PDGFC: variants seen among roughly 807,000 people sequenced by gnomAD.
PDGFC encodes platelet-derived growth factor C.
In PDGFC, 12 loss-of-function variants were observed where a neutral mutation model predicts 35.5. That is an observed-to-expected ratio of 0.34 (90% CI 0.22 to 0.55). The LOEUF is 0.55. Among genes scored for constraint, PDGFC ranks in the 20% least tolerant of loss-of-function variants. PDGFC has a pLI of 0.91. For synonymous variants in PDGFC, 159 were observed against 148.8 expected (o/e 1.07, Z -0.50); for missense variants, 322 against 412.4 (o/e 0.78, Z 1.90).
Position 156,945,360 on chromosome 4 carries a change from T to C in PDGFC, c.118+25426A>G, listed in dbSNP as rs1379247220. Among the ~76,000 whole-genome samples the C allele has an allele frequency of 2.8e-3, 278 of 99,442 alleles. 2 individuals carry two copies. The highest frequency in any genetic ancestry group is 4.1e-3 in the East Asian group (9 of 2,188). The allele number at this position is 99,442 out of a possible 152,430, so 65.2% of individuals were successfully genotyped here. On this transcript the variant is annotated intron_variant, in intron 1 of 5. Transcript: ENST00000502773. ...ATACATACATATATATATATATATA[T>C]ATATATATATATATATATATATATA...
intron 1 of PDGFC, among the ~76,000 whole-genome samples, chr4:156,900,661 C>A (rs1043592166): frequency 1.3e-5 from 2 of 151,898 alleles, no homozygotes; most frequent in Non-Finnish European, 2.9e-5. Flanking sequence ...GGCAACATGG[C>A]AAAACATCAT....
chr4:156,859,901 G>T (rs1019890742), intron 1 of PDGFC, among the ~76,000 whole-genome samples: 7 of 151,946 alleles, frequency 4.6e-5, no homozygotes, highest in Non-Finnish European at 7.4e-5. Flanking sequence ...TAAAAAAAAA[G>T]AGTGAAAAGC....
intron 3 of PDGFC, among the ~76,000 whole-genome samples, chr4:156,776,579 T>C (rs6837319): frequency 6.6e-6 from 1 of 152,098 alleles, no homozygotes; most frequent in South Asian, 2.1e-4. Flanking sequence ...GGCCTATTAC[T>C]TTGTAAGGAC....
At chr4:156,915,961 T>G (rs1476967108) in intron 1 of PDGFC, among the ~76,000 whole-genome samples, 3 of 152,032 alleles carry the variant, frequency 2.0e-5, no homozygotes, top group African/African-American at 7.2e-5. Context: ...AGAAAATGAA[T>G]TCCAAGTTTC....
At chr4:156,809,158 T>C (rs866794814) in intron 3 of PDGFC, among the ~76,000 whole-genome samples, 1 of 151,994 alleles carries the variant, frequency 6.6e-6, no homozygotes, top group Non-Finnish European at 1.5e-5. Flanking sequence ...CCTGGCTCAA[T>C]AGAGTCCAGG....
chr4:156,871,347 C>A (rs1729979545), intron 1 of PDGFC, among the ~76,000 whole-genome samples: 1 of 152,030 alleles, frequency 6.6e-6, no homozygotes, highest in Non-Finnish European at 1.5e-5. Context: ...ATCGAGAAAA[C>A]TAGCAATTAT....
rs752398576 is a variant in PDGFC at position 156,970,861 on chromosome 4, C to A, written c.43G>T (p.Gly15Cys). ...GLLLLTSALA[G>C]QRQGTQAESN... is the part of the protein sequence containing the mutation. ...TCCGCCTGAGTCCCCTGTCTCTGGC[C>A]GGCCAGGGCAGATGTCAGCAGGAGA... Residue 15 changes from glycine to cysteine, a missense_variant, in exon 1 of 6, where the codon GGC becomes TGC. Coordinates refer to ENST00000502773, the MANE Select transcript of PDGFC (RefSeq NM_016205.3). 2.5e-6 allele frequency: 4 copies of A among 1,613,896 alleles called. No homozygotes were observed. In the East Asian group the frequency reaches 6.7e-5, roughly 27 times the overall value.
At chr4:156,928,491 C>A (rs1242173677) in intron 1 of PDGFC, among the ~76,000 whole-genome samples, 2 of 152,160 alleles carry the variant, frequency 1.3e-5, no homozygotes, top group Non-Finnish European at 2.9e-5. Context: ...GGGTAAGGCA[C>A]AGGTGAAACA....
intron 3 of PDGFC, among the ~76,000 whole-genome samples, chr4:156,794,641 T>C (rs775392628): frequency 2.4e-4 from 37 of 152,076 alleles, no homozygotes; most frequent in Non-Finnish European, 5.1e-4. Flanking sequence ...TATCTATTTA[T>C]ATACCTTCAT....
chr4:156,851,930 C>CAAAAAAAAAAAAAAAAAAAAAAA (rs61505882), intron 1 of PDGFC, among the ~76,000 whole-genome samples: 7 of 47,888 alleles, frequency 1.5e-4, no homozygotes, highest in African/African-American at 3.3e-4. Flanking sequence ...GACTCCATCT[C>CAAAAAAAAAAAAAAAAAAAAAAA]AAAAAAAAAA....
intron 2 of PDGFC, among the ~76,000 whole-genome samples, chr4:156,839,373 A>G (rs186006111): frequency 1.6e-4 from 24 of 152,204 alleles, no homozygotes; most frequent in African/African-American, 5.1e-4. Flanking sequence ...CCCTTTTGCT[A>G]GGCACTTCTT....
chr4:156,923,104 C>A (rs1294737631), intron 1 of PDGFC, among the ~76,000 whole-genome samples: 1 of 152,132 alleles, frequency 6.6e-6, no homozygotes, highest in Non-Finnish European at 1.5e-5. Flanking sequence ...TCAGCATATA[C>A]TCCAAACTGC....
At chr4:156,910,320 G>T (rs141233126) in intron 1 of PDGFC, among the ~76,000 whole-genome samples, 15 of 152,168 alleles carry the variant, frequency 9.9e-5, no homozygotes, top group Admixed American at 9.2e-4. Context: ...CATGACTGTA[G>T]TACAATGTCA....
chr4:156,865,748 T>C (rs1348418335), intron 1 of PDGFC, among the ~76,000 whole-genome samples: 1 of 152,250 alleles, frequency 6.6e-6, no homozygotes, highest in Non-Finnish European at 1.5e-5. Flanking sequence ...ACAAAGCTGC[T>C]TCCTTCTCTG....
chr4:156,851,357 C>T (rs115116805), intron 1 of PDGFC, among the ~76,000 whole-genome samples: 1,586 of 152,268 alleles, frequency 0.01, 22 homozygotes, highest in Middle Eastern at 0.02. Flanking sequence ...TCTCCAAGGG[C>T]AGAGTATAGT....
intron 3 of PDGFC, among the ~76,000 whole-genome samples, chr4:156,776,359 T>C (rs890664295): frequency 1.3e-5 from 2 of 152,188 alleles, no homozygotes; most frequent in African/African-American, 4.8e-5. Context: ...TTCATAAAAA[T>C]ATGATGGTGT....
rs1730429601 is a variant in PDGFC at position 156,763,286 on chromosome 4, G to GA, written c.922-81dup. 21 of 570,190 alleles carry GA rather than the reference G, an allele frequency of 3.7e-5. No homozygotes were observed. In the South Asian group the frequency reaches 4.0e-4, roughly 11 times the overall value. 35.3% of individuals were successfully genotyped at this position (570,190 alleles called of 1,614,324 possible). On this transcript the variant is annotated intron_variant, in intron 5 of 5. Transcript: ENST00000502773. Reference sequence around the variant, plus strand: ...GCTTTTATAAACAAGTAACGTTTTAGAAAAGAATCTTGGGGCCCAAGAAAG... The same window carrying GA: ...GCTTTTATAAACAAGTAACGTTTTAGAAAAAGAATCTTGGGGCCCAAGAAAG...
intron 4 of PDGFC, among the ~76,000 whole-genome samples, chr4:156,768,956 A>G (rs1730616895): frequency 6.6e-6 from 1 of 152,004 alleles, no homozygotes; most frequent in Non-Finnish European, 1.5e-5. Flanking sequence ...GTAGGTAATT[A>G]CTATTAGGAT....
intron 1 of PDGFC, among the ~76,000 whole-genome samples, chr4:156,889,851 T>C (rs1486578708): frequency 6.6e-6 from 1 of 152,186 alleles, no homozygotes; most frequent in Non-Finnish European, 1.5e-5. Flanking sequence ...ACCCTGCAAG[T>C]CTTATTTGTA....
Sources: allele counts gnomAD v4.1 joint callset (sites outside exome capture counted in the v4.1 genomes callset), GRCh38; gene constraint gnomAD v4.1.1; transcripts MANE v1.5; gene names NCBI Gene and HGNC (gene_info 2026-07-23, HGNC 2026-07-21).